Variants in VPS41 observed in about 807,000 individuals in gnomAD.
VPS41 encodes vacuolar protein sorting-associated protein 41 homolog.
A neutral mutation model predicts 130.9 loss-of-function variants in VPS41; 85 were observed. That is an observed-to-expected ratio of 0.65 (90% CI 0.55 to 0.78). The LOEUF (loss-of-function observed/expected upper bound fraction) is 0.78. Among genes scored for constraint, VPS41 ranks in the 30% least tolerant of loss-of-function variants. The pLI, the probability that VPS41 is intolerant of heterozygous loss-of-function variation, is 0.00. For missense variants in VPS41, 874 were observed against 1,018.7 expected (o/e 0.86, Z 1.93); for synonymous variants, 335 against 332.9 (o/e 1.01, Z -0.07).
At chr7:38,783,127 CA>C (rs113105833) in intron 10 of VPS41, among the ~76,000 whole-genome samples, 2 of 146,816 alleles carry the variant, frequency 1.4e-5, no homozygotes, top group Non-Finnish European at 3.0e-5. Context: ...GACTCTGCCT[CA>C]AAAAAAAAGA....
intron 2 of VPS41, among the ~76,000 whole-genome samples, chr7:38,869,555 C>T (rs1383358133): frequency 6.6e-6 from 1 of 152,076 alleles, no homozygotes; most frequent in Non-Finnish European, 1.5e-5. Flanking sequence ...ATTCTTAATC[C>T]TCACAGTTAT....
chr7:38,811,322 A>T (rs2116065112), intron 7 of VPS41, among the ~76,000 whole-genome samples: 1 of 152,208 alleles, frequency 6.6e-6, no homozygotes, highest in African/African-American at 2.4e-5. Flanking sequence ...GCTGATACAC[A>T]TTTTGAAAAT....
At chr7:38,799,755 A>G (rs1161146454) in intron 7 of VPS41, among the ~76,000 whole-genome samples, 3 of 152,194 alleles carry the variant, frequency 2.0e-5, no homozygotes, top group African/African-American at 7.2e-5. Flanking sequence ...TAAAAAATTA[A>G]GTAATTTAGG....
At chr7:38,824,139 A>C (rs111398102) in intron 5 of VPS41, among the ~76,000 whole-genome samples, 2 of 152,286 alleles carry the variant, frequency 1.3e-5, no homozygotes, top group African/African-American at 4.8e-5. Flanking sequence ...TAGCAAGCTG[A>C]ACTTCTCCTA....
rs149220996 is a variant in VPS41, at chr7:38,776,680, G to A, written c.881C>T (p.Thr294Met). The A allele has an allele frequency of 7.5e-4, 1,180 of 1,582,140 alleles. 14 individuals are homozygous for A. The Admixed American group carries it at 0.018, about 25-fold the overall frequency. ...TGTATCTGGGGAGAAAATAATTACC[G>A]TTTTTTCTGAAATCTCCTTTACATA... is the stretch of plus-strand genomic sequence containing the variant. Reference protein sequence around the residue: ...LSYVKEISEKTEREYCARPRL... With the variant: ...LSYVKEISEKMEREYCARPRL... Residue 294 changes from threonine (T) to methionine (M), a missense_variant and splice_region_variant, in exon 11 of 29, where the codon ACG becomes ATG. Coordinates refer to ENST00000310301, the MANE Select transcript of VPS41 (RefSeq NM_014396.4).
At chr7:38,743,107 T>C (rs1218183502) in intron 24 of VPS41, among the ~76,000 whole-genome samples, 1 of 151,986 alleles carries the variant, frequency 6.6e-6, no homozygotes, top group Non-Finnish European at 1.5e-5. Context: ...ACAACCCAGA[T>C]GACATTTATT....
At chr7:38,846,390 T>C (rs966480488) in intron 4 of VPS41, among the ~76,000 whole-genome samples, 1 of 70,696 alleles carries the variant, frequency 1.4e-5, no homozygotes, top group Non-Finnish European at 2.2e-5. Context: ...ACACATACTC[T>C]TCTGCATGAG....
intron 2 of VPS41, among the ~76,000 whole-genome samples, chr7:38,889,573 A>AAAAAAAAAC (rs1562625397): frequency 2.1e-5 from 3 of 145,496 alleles, no homozygotes; most frequent in South Asian, 2.1e-4. Flanking sequence ...AAAAAAAAAA[A>AAAAAAAAAC]ACCTTAAAAC....
At chr7:38,873,330 T>C (rs1350483637) in intron 2 of VPS41, among the ~76,000 whole-genome samples, 1 of 151,862 alleles carries the variant, frequency 6.6e-6, no homozygotes, top group Non-Finnish European at 1.5e-5. Flanking sequence ...TAGAAAGTGA[T>C]TGAAAAATAC....
chr7:38,898,342 A>G (rs1787059127), intron 1 of VPS41, among the ~76,000 whole-genome samples: 1 of 152,118 alleles, frequency 6.6e-6, no homozygotes, highest in East Asian at 1.9e-4. Flanking sequence ...CTCTCCCTCA[A>G]AGAGTTAACA....
chr7:38,815,349 G>T (rs374676020), intron 7 of VPS41, among the ~76,000 whole-genome samples: 1 of 152,052 alleles, frequency 6.6e-6, no homozygotes, highest in Admixed American at 6.6e-5. Flanking sequence ...CCTTCAACTC[G>T]GGAGGTGGAG....
At chr7:38,733,885 C>A (rs1051393064) in intron 25 of VPS41, among the ~76,000 whole-genome samples, 5 of 152,082 alleles carry the variant, frequency 3.3e-5, no homozygotes, top group African/African-American at 1.2e-4. Context: ...TCAAGCCCAG[C>A]CTGGGCAACA....
chr7:38,738,719 C>T (rs115428309), intron 25 of VPS41, among the ~76,000 whole-genome samples: 1,863 of 152,270 alleles, frequency 0.012, 54 homozygotes, highest in African/African-American at 0.042. Context: ...GGCCTAGGAA[C>T]ATTTAAAGCT....
chr7:38,888,878 A>C (rs1786791584), intron 2 of VPS41, among the ~76,000 whole-genome samples: 1 of 152,062 alleles, frequency 6.6e-6, no homozygotes, highest in Non-Finnish European at 1.5e-5. Context: ...AACCTCACTC[A>C]AAACCACACA....
chr7:38,863,440 G>A (rs1472001569), intron 3 of VPS41, among the ~76,000 whole-genome samples: 4 of 151,952 alleles, frequency 2.6e-5, no homozygotes, highest in Admixed American at 2.6e-4. Flanking sequence ...ATAATGAAAC[G>A]CTCAAATTTA....
At chr7:38,743,184 G>A (rs1476901531) in intron 24 of VPS41, among the ~76,000 whole-genome samples, 1 of 152,162 alleles carries the variant, frequency 6.6e-6, no homozygotes, top group Non-Finnish European at 1.5e-5. Context: ...GTAGCCACCT[G>A]TTCTTCATCA....
intron 5 of VPS41, among the ~76,000 whole-genome samples, chr7:38,826,776 G>A (rs775937416): frequency 6.6e-6 from 1 of 151,960 alleles, no homozygotes; most frequent in Admixed American, 6.6e-5. Flanking sequence ...GACACTCTAT[G>A]GCATATAAAA....
At chr7:38,733,526 A>C (rs1463042558) in intron 25 of VPS41, among the ~76,000 whole-genome samples, 2 of 152,182 alleles carry the variant, frequency 1.3e-5, no homozygotes, top group Non-Finnish European at 2.9e-5. Flanking sequence ...GTCCTCCTTC[A>C]CACCAAAAGT....
At chr7:38,863,372 T>G (rs1786161482) in intron 3 of VPS41, among the ~76,000 whole-genome samples, 1 of 152,208 alleles carries the variant, frequency 6.6e-6, no homozygotes, top group Non-Finnish European at 1.5e-5. Context: ...TCAGCATTAC[T>G]CAAATAGTCC....
Sources: allele counts gnomAD v4.1 joint callset (sites outside exome capture counted in the v4.1 genomes callset), GRCh38; gene constraint gnomAD v4.1.1; transcripts MANE v1.5; gene names NCBI Gene and HGNC (gene_info 2026-07-23, HGNC 2026-07-21).